DMD: variants seen among roughly 807,000 people sequenced by gnomAD.
DMD encodes mutant dystrophin.
Under a neutral mutation model 330.1 loss-of-function variants are expected in DMD, and 63 were observed. The observed-to-expected ratio is 0.19, with a 90% CI of 0.16 to 0.24. The LOEUF is 0.24. Ranked by LOEUF, DMD falls within the 10% of genes least tolerant of loss-of-function variation. DMD has a pLI of 1.00. For synonymous variants in DMD, 1,223 were observed against 959.8 expected, an observed-to-expected ratio of 1.27 and a Z score of -5.07; for missense variants, 3,344 against 2,684.1, an observed-to-expected ratio of 1.25 and a Z score of -5.43.
chrX:32,583,225 G>A (rs2053855057), intron 13 of DMD, among the ~76,000 whole-genome samples: 1 of 111,879 alleles, frequency 8.9e-6, no homozygotes, highest in Non-Finnish European at 1.9e-5. Flanking sequence ...GCTGGGCCTG[G>A]TAGCTCACGC....
In DMD at chrX:31,679,597, A is replaced by G. The variant is rs2096330953; in HGVS notation, c.7661-11T>C. ...TCTGAATTCTTTCAACTAGAATAAA[A>G]GGAAAAATAAATATATAGTAGTAAA... On this transcript the variant is annotated splice_polypyrimidine_tract_variant and intron_variant, in intron 52 of 78. Transcript: ENST00000357033. 1.1e-5 allele frequency: 13 copies of G among 1,187,318 alleles called. No homozygotes were observed. The East Asian group carries it at 3.6e-4, about 32-fold the overall frequency.
rs751472613 is a variant in DMD, at chrX:31,715,402, G to T, written c.7660+14229C>A. 5.7e-5 allele frequency among the ~76,000 whole-genome samples: 6 copies of T among 105,072 alleles called. No individual in the cohort carries two copies. In the South Asian group the frequency reaches 1.8e-3, roughly 32 times the overall value. 91.2% of individuals were successfully genotyped at this position (105,072 alleles called of 115,157 possible). A position where few individuals can be genotyped will look rare whatever the true frequency, so the allele number is the denominator to read the frequency against. On this transcript the variant is annotated intron_variant, in intron 52 of 78. Coordinates refer to ENST00000357033, the MANE Select transcript of DMD (RefSeq NM_004006.3). Reference sequence around the variant, plus strand: ...TACTAAAAATACAAAAATTAGCCGGGCATGGTGGCGCGCGCCTGTAGTCCC... The same window carrying T: ...TACTAAAAATACAAAAATTAGCCGGTCATGGTGGCGCGCGCCTGTAGTCCC...
At chrX:32,118,109 A>G (rs2096618740) in intron 44 of DMD, among the ~76,000 whole-genome samples, 1 of 111,771 alleles carries the variant, frequency 8.9e-6, no homozygotes, top group South Asian at 3.8e-4. Context: ...AAAGGTTTCC[A>G]ATAACATTAC....
chrX:31,770,798 T>G (rs894784581), intron 51 of DMD, among the ~76,000 whole-genome samples: 1 of 112,012 alleles, frequency 8.9e-6, no homozygotes, highest in Non-Finnish European at 1.9e-5. Context: ...AGTAATGTTG[T>G]AAGCATTAAA....
chrX:32,236,731 C>T (rs1361660630), intron 43 of DMD, among the ~76,000 whole-genome samples: 1 of 111,836 alleles, frequency 8.9e-6, no homozygotes, highest in Non-Finnish European at 1.9e-5. Context: ...TCCATTAAAT[C>T]CTTTTTCCTG....
intron 21 of DMD, among the ~76,000 whole-genome samples, chrX:32,472,987 G>A (rs939838832): frequency 9.1e-6 from 1 of 110,494 alleles, no homozygotes; most frequent in Non-Finnish European, 1.9e-5. Context: ...AATTATATTA[G>A]GGAAAGTATT....
intron 7 of DMD, among the ~76,000 whole-genome samples, chrX:32,780,737 A>G (rs1354749593): frequency 9.0e-6 from 1 of 110,536 alleles, no homozygotes; most frequent in Non-Finnish European, 1.9e-5. Flanking sequence ...TTAAAATCCT[A>G]ACTGGTCTTC....
chrX:31,825,551 A>G (rs1456622115), intron 49 of DMD, among the ~76,000 whole-genome samples: 2 of 111,442 alleles, frequency 1.8e-5, no homozygotes, highest in Non-Finnish European at 3.8e-5. Flanking sequence ...TCATGGTGTA[A>G]GTATCTCAGT....
chrX:33,140,591 A>C (rs1212651413), intron 1 of DMD, among the ~76,000 whole-genome samples: 1 of 112,381 alleles, frequency 8.9e-6, no homozygotes, highest in Non-Finnish European at 1.9e-5. Context: ...GGACTAAATA[A>C]CTTTGTTTCC....
At chrX:33,311,752 A>G (rs1226808007) in intron 1 of DMD, among the ~76,000 whole-genome samples, 1 of 110,167 alleles carries the variant, frequency 9.1e-6, no homozygotes, top group African/African-American at 3.3e-5. Flanking sequence ...GGATATAGAC[A>G]TATAAATAAC....
chrX:31,481,765 C>A (rs188363644), intron 57 of DMD, among the ~76,000 whole-genome samples: 70 of 111,470 alleles, frequency 6.3e-4, no homozygotes, highest in Non-Finnish European at 8.3e-4. Context: ...AAGCTGAACT[C>A]TATGTTGTTA....
chrX:31,993,230 A>C (rs2095562432), intron 44 of DMD, among the ~76,000 whole-genome samples: 1 of 111,809 alleles, frequency 8.9e-6, no homozygotes. Flanking sequence ...TTAAGATTTG[A>C]AAGAATAATA....
At chrX:32,301,039 A>G (rs2097521555) in intron 42 of DMD, among the ~76,000 whole-genome samples, 1 of 110,383 alleles carries the variant, frequency 9.1e-6, no homozygotes, top group South Asian at 3.8e-4. Flanking sequence ...AAAAATTAAT[A>G]TTGATGACAG....
chrX:31,378,447 G>T (rs975192079), intron 60 of DMD, among the ~76,000 whole-genome samples: 1 of 111,294 alleles, frequency 9.0e-6, no homozygotes. Flanking sequence ...TTTTCTGGTA[G>T]AGACAGGAGA....
intron 18 of DMD, among the ~76,000 whole-genome samples, chrX:32,514,981 GATGGCCAGA>G (rs2045714944): frequency 8.9e-6 from 1 of 112,109 alleles, no homozygotes; most frequent in South Asian, 3.7e-4. Context: ...GTAGATAAGA[GATGGCCAGA>G]AGTCATTAAC....
At position 31,478,381 on chromosome X, in the gene DMD, T is replaced by C. The variant is rs369638839; in HGVS notation, c.8669-7A>G. On this transcript the variant is annotated splice_polypyrimidine_tract_variant and splice_region_variant and intron_variant, in intron 58 of 78. Coordinates refer to ENST00000357033, the MANE Select transcript of DMD (RefSeq NM_004006.3). ...CTCTCCTCAGGAGGCAGCTCTAAAT[T>C]GGCAATATGACAAGGTTTTAGGCCA... 8.3e-7 allele frequency: 1 copy of C among 1,209,891 alleles called. No homozygotes were observed. Among genetic ancestry groups the C allele is most frequent in the African/African-American group, 1.7e-5 (1 of 57,147 alleles).
intron 21 of DMD, among the ~76,000 whole-genome samples, chrX:32,475,843 T>C (rs986084928): frequency 1.1e-4 from 12 of 111,058 alleles, no homozygotes; most frequent in African/African-American, 3.9e-4. Context: ...TTTGACTTCC[T>C]CTTTACCGAT....
At position 31,834,314 on chromosome X, in the gene DMD, G is replaced by A. The variant is rs146553274; in HGVS notation, c.7200+2404C>T. 2.2e-3 allele frequency among the ~76,000 whole-genome samples: 245 copies of A among 111,560 alleles called. 2 individuals carry two copies. Among genetic ancestry groups the A allele is most frequent in the African/African-American group, 7.3e-3 (224 of 30,661 alleles). ...GAGCCTCTAGGTGTTTCAGGCTACC[G>A]CAAACCCCAGCTAATCTTCAGATGT... On this transcript the variant is annotated intron_variant, in intron 49 of 78. Transcript: ENST00000357033.
chrX:32,807,452 A>G (rs1236313580), intron 7 of DMD, among the ~76,000 whole-genome samples: 2 of 111,489 alleles, frequency 1.8e-5, no homozygotes, highest in Non-Finnish European at 3.8e-5. Context: ...CAGTGGCTGG[A>G]TCTTCATTAA....
Sources: gnomAD v4.1 joint callset for allele counts (sites outside exome capture counted in the v4.1 genomes callset) on GRCh38, gnomAD v4.1.1 for gene constraint, MANE v1.5 for transcripts, NCBI Gene and HGNC (gene_info 2026-07-23, HGNC 2026-07-21) for gene names.